Variants in CEP350 observed in about 807,000 individuals in gnomAD.
The protein encoded by CEP350 is centrosomal protein 350.
Under a neutral mutation model 331.8 loss-of-function variants are expected in CEP350, and 126 were observed. The observed-to-expected ratio is 0.38, with a 90% CI of 0.33 to 0.44. The LOEUF is 0.44. CEP350 is among the 20% of genes least tolerant of loss of function. The probability of loss-of-function intolerance (pLI) is 1.00; values close to 1 mark genes in which losing one functional copy is unlikely to be tolerated. For synonymous variants in CEP350, 1,200 were observed against 1,259.5 expected (o/e 0.95, Z 1.00); for missense variants, 3,406 against 3,634.6 (o/e 0.94, Z 1.62).
chr1:180,061,690 C>A (rs1328364728), intron 25 of CEP350, among the ~76,000 whole-genome samples: 2 of 152,066 alleles, frequency 1.3e-5, no homozygotes, highest in Admixed American at 1.3e-4. Flanking sequence ...TTTTTGAAAG[C>A]AATTTTAAAA....
intron 27 of CEP350, among the ~76,000 whole-genome samples, chr1:180,069,603 T>G (rs1248203575): frequency 6.6e-6 from 1 of 152,178 alleles, no homozygotes; most frequent in African/African-American, 2.4e-5. Context: ...TGCTGTATTA[T>G]TTTGTTTACT....
At position 180,092,993 on chromosome 1, in the gene CEP350, A is replaced by T. The variant is rs770545066; in HGVS notation, c.6888A>T (p.Glu2296Asp). 4.4e-6 allele frequency: 7 copies of T among 1,602,892 alleles called. No individual in the cohort carries two copies. The highest frequency in any genetic ancestry group is 6.0e-6 in the Non-Finnish European group (7 of 1,173,688). Residue 2296 changes from glutamate to aspartate, a missense_variant, in exon 34 of 38, where the codon GAA (glutamate) becomes GAT (aspartate). By Grantham distance (45) the Glu-to-Asp change is conservative (BLOSUM62 2). Coordinates refer to ENST00000367607, the MANE Select transcript of CEP350 (RefSeq NM_014810.5). Reference protein sequence around the residue: ...KLVLEQGDSSEILSKKDLPLD... With the variant: ...KLVLEQGDSSDILSKKDLPLD... The stretch of plus-strand genomic sequence containing the variant: ...TCCTAGAACAGGGAGATTCATCTGA[A>T]ATTCTTTCAAAGAAAGATCTTCCTT...
Position 180,034,157 on chromosome 1 carries a change from TTTGAG to T in CEP350, c.3946+82_3946+86del, listed in dbSNP as rs149842851. 853 of 1,455,546 alleles carry T rather than the reference TTTGAG, an allele frequency of 5.9e-4. 8 individuals carry two copies. In the East Asian group the frequency reaches 0.016, roughly 27 times the overall value. 90.2% of individuals were successfully genotyped at this position (1,455,546 alleles called of 1,614,324 possible). ...TTTCTCTCAACATTCCTTTTCTTTG[TTTGAG>T]TTGAGTCATAGAGAAATATTATTTC... On this transcript the variant is annotated intron_variant, in intron 16 of 37. Coordinates refer to ENST00000367607, the MANE Select transcript of CEP350 (RefSeq NM_014810.5).
chr1:180,009,955 A>G (rs979595906), intron 8 of CEP350, among the ~76,000 whole-genome samples: 6 of 152,162 alleles, frequency 3.9e-5, no homozygotes, highest in Admixed American at 2.0e-4. Flanking sequence ...TATTATAAAT[A>G]CAATAAAATA....
intron 14 of CEP350, 32 bp from the exon 15 acceptor site, chr1:180,031,288 G>T: frequency 1.5e-6 from 2 of 1,335,436 alleles, no homozygotes; most frequent in East Asian, 2.5e-5. Context: ...TCTAATATTG[G>T]GAATCAGCTT....
chr1:179,962,158 T>C (rs545086940), intron 1 of CEP350, among the ~76,000 whole-genome samples: 12 of 152,230 alleles, frequency 7.9e-5, no homozygotes, highest in African/African-American at 2.9e-4. Flanking sequence ...TTTCCCACTT[T>C]TGGAATCCAC....
Position 180,055,409 on chromosome 1 carries a change from T to G in CEP350, c.5262+907T>G, listed in dbSNP as rs567015630. Among the ~76,000 whole-genome samples the G allele has an allele frequency of 1.2e-4, 18 of 152,262 alleles. No homozygotes were observed. The South Asian group carries it at 1.9e-3, about 16-fold the overall frequency. On this transcript the variant is annotated intron_variant, in intron 25 of 37. Coordinates refer to ENST00000367607, the MANE Select transcript of CEP350 (RefSeq NM_014810.5). ...CAGTTTTTTTCCCCATATTAACCTG[T>G]TGTCAGGTGCTAGCTACTGTGTTAG...
intron 7 of CEP350, among the ~76,000 whole-genome samples, chr1:180,005,123 A>G (rs1421036535): frequency 6.7e-6 from 1 of 149,242 alleles, no homozygotes; most frequent in Non-Finnish European, 1.5e-5. Flanking sequence ...AAATTTGTCT[A>G]GTCTCAGGGC....
intron 14 of CEP350, among the ~76,000 whole-genome samples, chr1:180,030,020 T>G (rs1655911728): frequency 6.6e-6 from 1 of 152,116 alleles, no homozygotes; most frequent in Non-Finnish European, 1.5e-5. Flanking sequence ...CTGAATAATA[T>G]TCCCGTGTAT....
chr1:179,970,517 A>C (rs574836492), intron 1 of CEP350, among the ~76,000 whole-genome samples: 104 of 151,376 alleles, frequency 6.9e-4, no homozygotes, highest in African/African-American at 2.4e-3. Context: ...AATATTGCAG[A>C]GTTGTCTTTT....
At chr1:180,021,656 A>G (rs1473490119) in intron 12 of CEP350, among the ~76,000 whole-genome samples, 4 of 145,458 alleles carry the variant, frequency 2.7e-5, no homozygotes, top group African/African-American at 1.0e-4. Context: ...AGACTCCTCA[A>G]AAAAAAAAGA....
intron 1 of CEP350, chr1:179,968,627 T>C: frequency 2.5e-6 from 1 of 395,278 alleles, no homozygotes; most frequent in African/African-American, 2.1e-5. Flanking sequence ...GTGCATACAG[T>C]GTTGTTCTGG....
At chr1:179,965,044 A>T (rs1650904606) in intron 1 of CEP350, among the ~76,000 whole-genome samples, 3 of 152,028 alleles carry the variant, frequency 2.0e-5, no homozygotes, top group African/African-American at 7.3e-5. Flanking sequence ...TTAGTGCTGT[A>T]AACTTTCTCC....
intron 20 of CEP350, among the ~76,000 whole-genome samples, chr1:180,043,782 G>GTA (rs1171593012): frequency 1.6e-5 from 2 of 127,376 alleles, no homozygotes; most frequent in African/African-American, 5.1e-5. Flanking sequence ...TTGTGTGTGT[G>GTA]TGTGTGTGTG....
intron 21 of CEP350, among the ~76,000 whole-genome samples, chr1:180,045,753 G>A (rs1657076317): frequency 1.3e-5 from 2 of 152,104 alleles, no homozygotes; most frequent in Non-Finnish European, 2.9e-5. Flanking sequence ...AAAATTTCTA[G>A]CCAATTTGGT....
intron 11 of CEP350, among the ~76,000 whole-genome samples, chr1:180,017,614 A>G (rs544397076): frequency 1.3e-5 from 2 of 152,310 alleles, no homozygotes; most frequent in Non-Finnish European, 2.9e-5. Context: ...TTCTTTTAAT[A>G]TCCAACTTCT....
Position 180,027,390 on chromosome 1 carries a change from G to A in CEP350, c.3550+2808G>A, listed in dbSNP as rs571992249. On this transcript the variant is annotated intron_variant, in intron 14 of 37. Transcript: ENST00000367607. ...ATTCTGTTTTGGCTTTTTTTGTTTT[G>A]TTTTTTGAGATAGGGTCTCACTCTA... Among the ~76,000 whole-genome samples the A allele has an allele frequency of 4.6e-5, 7 of 151,912 alleles. No individual in the cohort carries two copies. The South Asian group carries it at 1.5e-3, about 32-fold the overall frequency.
intron 37 of CEP350, among the ~76,000 whole-genome samples, chr1:180,106,844 T>C (rs1390260169): frequency 6.6e-6 from 1 of 152,092 alleles, no homozygotes; most frequent in Non-Finnish European, 1.5e-5. Context: ...TTATAGTACT[T>C]ACAGGAGCTG....
chr1:180,026,164 G>A (rs371533291), intron 14 of CEP350, among the ~76,000 whole-genome samples: 22 of 151,934 alleles, frequency 1.4e-4, no homozygotes, highest in East Asian at 9.7e-4. Context: ...CCAGCTACTC[G>A]GGAGGCTGAG....
Sources: gnomAD v4.1 joint callset for allele counts (sites outside exome capture counted in the v4.1 genomes callset) on GRCh38, gnomAD v4.1.1 for gene constraint, MANE v1.5 for transcripts, NCBI Gene and HGNC (gene_info 2026-07-23, HGNC 2026-07-21) for gene names.